Variants in MBD2 observed in about 807,000 individuals in gnomAD.
MBD2 encodes the protein methyl-CpG-binding domain protein 2.
A neutral mutation model predicts 39.3 loss-of-function variants in MBD2; 9 were observed. That is an observed-to-expected ratio of 0.23 (90% CI 0.14 to 0.40). MBD2 has a LOEUF of 0.40. Among genes scored for constraint, MBD2 ranks in the 10% least tolerant of loss-of-function variants. MBD2 has a pLI of 1.00. For synonymous variants in MBD2, 233 were observed against 211.1 expected (o/e 1.10, Z -0.90); for missense variants, 458 against 532.6 (o/e 0.86, Z 1.38).
At chr18:54,211,064 G>A (rs368846275) in intron 1 of MBD2, among the ~76,000 whole-genome samples, 2 of 150,764 alleles carry the variant, frequency 1.3e-5, no homozygotes, top group African/African-American at 2.4e-5. Flanking sequence ...GTAGAGACGG[G>A]GTTTCACCGT....
intron 5 of MBD2, among the ~76,000 whole-genome samples, chr18:54,162,894 G>T (rs935531695): frequency 1.3e-4 from 20 of 152,064 alleles, no homozygotes; most frequent in African/African-American, 4.8e-4. Context: ...CCCAAGAAGG[G>T]CTTTCCCATT....
At chr18:54,189,060 T>G in intron 2 of MBD2, 49 bp from the exon 3 acceptor site, 2 of 1,234,382 alleles carry the variant, frequency 1.6e-6, no homozygotes, top group South Asian at 3.2e-5. Context: ...ATAAACACAA[T>G]CAGATGACTT....
chr18:54,206,003 G>A (rs1185605165), intron 1 of MBD2, among the ~76,000 whole-genome samples: 1 of 151,788 alleles, frequency 6.6e-6, no homozygotes, highest in Non-Finnish European at 1.5e-5. Flanking sequence ...GAATCTATGT[G>A]ATATCTGAGC....
intron 3 of MBD2, among the ~76,000 whole-genome samples, chr18:54,172,117 T>C (rs190345816): frequency 2.7e-4 from 41 of 152,336 alleles, no homozygotes; most frequent in South Asian, 4.1e-4. Flanking sequence ...TAAGTCTCAA[T>C]TGTAGGTGAT....
rs187694820 is a variant in MBD2, at chr18:54,195,203, T to A, written c.703-6192A>T. On this transcript the variant is annotated intron_variant, in intron 2 of 6. Transcript: ENST00000256429. ...CAGCATAGTTTGAGCACCAGGGACT[T>A]ACGCTATACTATATTGTAAATACCA... Among the ~76,000 whole-genome samples the A allele has an allele frequency of 2.9e-3, 442 of 152,222 alleles. 2 individuals carry two copies. The highest frequency in any genetic ancestry group is 9.7e-3 in the African/African-American group (402 of 41,564).
At position 54,154,501 on chromosome 18, in the gene MBD2, C is replaced by A. The variant is rs1223373499; in HGVS notation, c.*823G>T. 2.0e-5 allele frequency: 3 copies of A among 152,144 alleles called. No individual in the cohort carries two copies. The highest frequency in any genetic ancestry group is 4.4e-5 in the Non-Finnish European group (3 of 68,038). The allele number at this position is 152,144 out of a possible 1,614,324, so 9.4% of individuals were successfully genotyped here. On this transcript the variant is annotated 3_prime_UTR_variant, in exon 7 of 7. Transcript: ENST00000256429. ...TTTAAAAAACAATAAACATGGACGCCTTCTAGTAACACCTGAAGGGTCCTT... is the reference window on the plus strand; with the variant it reads ...TTTAAAAAACAATAAACATGGACGCATTCTAGTAACACCTGAAGGGTCCTT...
At chr18:54,195,696 A>G (rs2086360036) in intron 2 of MBD2, among the ~76,000 whole-genome samples, 1 of 152,118 alleles carries the variant, frequency 6.6e-6, no homozygotes, top group Non-Finnish European at 1.5e-5. Flanking sequence ...TAACTGGACC[A>G]TCCATATATA....
chr18:54,222,184 C>T (rs751993206), intron 1 of MBD2: 1 of 312,886 alleles, frequency 3.2e-6, no homozygotes, highest in Non-Finnish European at 6.5e-6. Flanking sequence ...TGAAAGAATA[C>T]TAGAAAACGA....
intron 6 of MBD2, among the ~76,000 whole-genome samples, chr18:54,157,926 G>A (rs1269798127): frequency 1.3e-5 from 2 of 152,066 alleles, no homozygotes; most frequent in Non-Finnish European, 2.9e-5. Context: ...CCAACCTATT[G>A]GCATGTCAAC....
intron 3 of MBD2, among the ~76,000 whole-genome samples, chr18:54,186,402 ATG>A: frequency 6.6e-6 from 1 of 152,234 alleles, no homozygotes; most frequent in Middle Eastern, 3.4e-3. Flanking sequence ...ATTTCTGCCT[ATG>A]TATATTTTGC....
In MBD2 at chr18:54,182,518, G is replaced by A. The variant is rs368188417; in HGVS notation, c.840+6356C>T. Reference sequence around the variant, plus strand: ...CATATGATTTGAATGTAGAACAAGAGAAGAAGGTGAGGCCAGAGAGGTAAG... The same window carrying A: ...CATATGATTTGAATGTAGAACAAGAAAAGAAGGTGAGGCCAGAGAGGTAAG... On this transcript the variant is annotated intron_variant, in intron 3 of 6. Transcript: ENST00000256429. Among the ~76,000 whole-genome samples the A allele has an allele frequency of 5.3e-4, 80 of 152,332 alleles. 1 individual carries two copies. The South Asian group carries it at 0.013, about 26-fold the overall frequency.
chr18:54,219,901 C>A (rs1405460411), intron 1 of MBD2, among the ~76,000 whole-genome samples: 1 of 152,206 alleles, frequency 6.6e-6, no homozygotes, highest in Non-Finnish European at 1.5e-5. Flanking sequence ...CCTGGGTTCA[C>A]GCCATTCTCC....
chr18:54,206,020 T>C (rs995241072), intron 1 of MBD2, among the ~76,000 whole-genome samples: 20 of 152,020 alleles, frequency 1.3e-4, no homozygotes, highest in Non-Finnish European at 2.6e-4. Context: ...GAGCTACCAA[T>C]TTGGGCTCAT....
intron 2 of MBD2, among the ~76,000 whole-genome samples, chr18:54,201,445 G>A (rs1387429279): frequency 6.6e-6 from 1 of 152,156 alleles, no homozygotes; most frequent in Non-Finnish European, 1.5e-5. Flanking sequence ...GTAAGGTTAA[G>A]ATTGAGTTTG....
At chr18:54,194,559 A>G (rs865821336) in intron 2 of MBD2, among the ~76,000 whole-genome samples, 41 of 148,558 alleles carry the variant, frequency 2.8e-4, no homozygotes, top group Non-Finnish European at 2.8e-4. Flanking sequence ...GTGTGTGTGT[A>G]TATATATATA....
At chr18:54,168,075 G>A (rs879746029) in intron 3 of MBD2, among the ~76,000 whole-genome samples, 7 of 149,658 alleles carry the variant, frequency 4.7e-5, no homozygotes, top group Admixed American at 2.7e-4. Flanking sequence ...ATATATATGT[G>A]TATATATATA....
chr18:54,224,173 G>A lies in MBD2; in HGVS notation c.387C>T (p.Phe129=). The change falls in exon 1 of 7, where the codon TTC becomes TTT. Residue 129 remains phenylalanine, a synonymous_variant. Transcript: ENST00000256429. ...GGAPRREPVP[F]PSGSAGPGPR... is the part of the protein sequence containing the mutation. ...GCCCCGGCCCCGCGCTCCCCGACGG[G>A]AAAGGGACCGGCTCCCGCCGGGGGG... The A allele has an allele frequency of 7.3e-7, 1 of 1,369,958 alleles. No homozygotes were observed. Among genetic ancestry groups the A allele is most frequent in the Non-Finnish European group, 9.4e-7 (1 of 1,058,326 alleles). 84.9% of individuals were successfully genotyped at this position (1,369,958 alleles called of 1,614,324 possible).
At chr18:54,222,937 A>G (rs1386107881) in intron 1 of MBD2, among the ~76,000 whole-genome samples, 1 of 152,236 alleles carries the variant, frequency 6.6e-6, no homozygotes, top group Admixed American at 6.5e-5. Flanking sequence ...ATTTTCCCAG[A>G]GCTACTTGAA....
At chr18:54,194,142 C>T (rs895439016) in intron 2 of MBD2, among the ~76,000 whole-genome samples, 1 of 152,026 alleles carries the variant, frequency 6.6e-6, no homozygotes, top group Admixed American at 6.5e-5. Context: ...ATATACCCCA[C>T]CTGCATTTTA....
Sources: allele counts gnomAD v4.1 joint callset (sites outside exome capture counted in the v4.1 genomes callset), GRCh38; gene constraint gnomAD v4.1.1; transcripts MANE v1.5; gene names NCBI Gene and HGNC (gene_info 2026-07-23, HGNC 2026-07-21).